Variants in COL4A2 observed in about 807,000 individuals in gnomAD.
COL4A2 encodes collagen type IV alpha 2 chain, also known as collagen alpha-2(IV) chain.
A neutral mutation model predicts 200.2 loss-of-function variants in COL4A2; 99 were observed. That is an observed-to-expected ratio of 0.49 (90% CI 0.42 to 0.58). The LOEUF is 0.58. Ranked by LOEUF, COL4A2 falls within the 20% of genes least tolerant of loss-of-function variation. The pLI is 0.00. For synonymous variants in COL4A2, 897 were observed against 900.6 expected, an observed-to-expected ratio of 1.00 and a Z score of 0.07; for missense variants, 1,950 against 2,314.1, an observed-to-expected ratio of 0.84 and a Z score of 3.23.
chr13:110,397,140 T>A (rs868628749), intron 4 of COL4A2, among the ~76,000 whole-genome samples: 121 of 152,356 alleles, frequency 7.9e-4, no homozygotes, highest in African/African-American at 2.8e-3. Flanking sequence ...GGAGAGTTTT[T>A]GGAAAACCTC....
At chr13:110,363,678 C>T (rs55912240) in intron 4 of COL4A2, among the ~76,000 whole-genome samples, 6,058 of 152,320 alleles carry the variant, frequency 0.04, 168 homozygotes, top group Non-Finnish European at 0.061. Flanking sequence ...GCAAGATATT[C>T]TCTCTAAGGA....
At chr13:110,494,734 GA>G (rs529115659) in intron 39 of COL4A2, among the ~76,000 whole-genome samples, 14 of 151,992 alleles carry the variant, frequency 9.2e-5, no homozygotes, top group Non-Finnish European at 1.9e-4. Context: ...CATTTAAGAG[GA>G]AAAAAAGACC....
chr13:110,436,742 ACTT>A (rs1314945117), intron 13 of COL4A2, among the ~76,000 whole-genome samples: 1 of 152,148 alleles, frequency 6.6e-6, no homozygotes, highest in Admixed American at 6.6e-5. Flanking sequence ...AATAAAACCT[ACTT>A]CTTTGCTGAC....
Position 110,383,508 on chromosome 13 carries a change from G to C in COL4A2, c.180+25956G>C, listed in dbSNP as rs546129369. On this transcript the variant is annotated intron_variant, in intron 4 of 47. Transcript: ENST00000360467. ...TGTCAGATCAAGAATAGATTTTGTT[G>C]GGGGGTGATTTTTAGATTGTAGGAG... 2.6e-5 allele frequency among the ~76,000 whole-genome samples: 4 copies of C among 151,952 alleles called. No homozygotes were observed. In the South Asian group the frequency reaches 8.3e-4, roughly 32 times the overall value.
Position 110,424,767 on chromosome 13 carries a change from A to G in COL4A2, c.214A>G (p.Asn72Asp). ...QPGPVGPQGY[N>D]GPPGLQGFPG... ...TGGGCCAGTGGGCCCCCAGGGGTAC[A>G]ATGGGCCACCAGGATTACAAGGATT... is the stretch of plus-strand genomic sequence containing the variant. The change falls in exon 5 of 48, where the codon AAT becomes GAT. Residue 72 changes from asparagine (N) to aspartate (D), a missense_variant. Coordinates refer to ENST00000360467, the MANE Select transcript of COL4A2 (RefSeq NM_001846.4). 6.2e-7 allele frequency: 1 copy of G among 1,611,898 alleles called. No individual in the cohort carries two copies. Among genetic ancestry groups the G allele is most frequent in the East Asian group, 2.2e-5 (1 of 44,856 alleles).
At chr13:110,436,161 A>G in intron 12 of COL4A2, 108 bp from the exon 13 acceptor site, 1 of 1,488,898 alleles carries the variant, frequency 6.7e-7, no homozygotes, top group Non-Finnish European at 9.4e-7. Context: ...TATGGTAAGT[A>G]ATATGCAAAC....
intron 20 of COL4A2, among the ~76,000 whole-genome samples, chr13:110,451,961 T>C (rs1378885317): frequency 1.5e-4 from 23 of 152,236 alleles, no homozygotes; most frequent in Non-Finnish European, 5.9e-5. Context: ...CTGTGTGACG[T>C]TGACCAAAAG....
At chr13:110,445,110 C>T (rs573024344) in intron 16 of COL4A2, among the ~76,000 whole-genome samples, 6 of 152,224 alleles carry the variant, frequency 3.9e-5, no homozygotes, top group South Asian at 2.1e-4. Context: ...CTTGGCTTCC[C>T]GAAGTGCTGG....
At chr13:110,459,257 C>T (rs1370605295) in intron 22 of COL4A2, 1 of 260,002 alleles carries the variant, frequency 3.8e-6, no homozygotes, top group Non-Finnish European at 7.4e-6. Flanking sequence ...CACACAAACA[C>T]ACATACACCA....
Position 110,503,850 on chromosome 13 carries a change from C to G in COL4A2, c.4142C>G (p.Ala1381Gly). 2 of 1,613,360 alleles carry G rather than the reference C, an allele frequency of 1.2e-6. No individual in the cohort carries two copies. Among genetic ancestry groups the G allele is most frequent in the Non-Finnish European group, 1.7e-6 (2 of 1,179,520 alleles). ...GGCCTCTCTGTTTCCCTTCCAGGTG[C>G]CCCCGGGACTGTGGGAGCCCCCGGG... ...GPKGDPGFPGAPGTVGAPGIA... is the reference protein window; with the variant it reads ...GPKGDPGFPGGPGTVGAPGIA... Residue 1381 changes from alanine to glycine, a missense_variant, in exon 44 of 48, where the codon GCC becomes GGC. Physicochemically the swap from Ala to Gly is moderately conservative, Grantham distance 60. Around this residue, in one of 2 missense-constraint regions of COL4A2, gnomAD observed 1,385 missense variants for 1,720.5 expected, o/e 0.80. Coordinates refer to ENST00000360467, the MANE Select transcript of COL4A2 (RefSeq NM_001846.4).
intron 4 of COL4A2, among the ~76,000 whole-genome samples, chr13:110,409,161 A>T (rs1879729743): frequency 6.6e-6 from 1 of 152,132 alleles, no homozygotes; most frequent in African/African-American, 2.4e-5. Context: ...ACACACATGC[A>T]CATATACACA....
At chr13:110,317,765 G>A (rs1217038977) in intron 3 of COL4A2, among the ~76,000 whole-genome samples, 2 of 152,242 alleles carry the variant, frequency 1.3e-5, no homozygotes. Flanking sequence ...GCTATGTAAA[G>A]GGGAAAAGGA....
intron 3 of COL4A2, among the ~76,000 whole-genome samples, chr13:110,318,726 T>G (rs1373068027): frequency 6.6e-6 from 1 of 152,194 alleles, no homozygotes; most frequent in Non-Finnish European, 1.5e-5. Context: ...AGAAATTGGC[T>G]GTAGAGAGTT....
chr13:110,433,290 G>A (rs1470471580), intron 11 of COL4A2, among the ~76,000 whole-genome samples: 1 of 152,262 alleles, frequency 6.6e-6, no homozygotes, highest in Non-Finnish European at 1.5e-5. Context: ...AGCAGAAATA[G>A]GACCAGGCGG....
chr13:110,462,113 G>C lies in COL4A2; in HGVS notation c.1597-1G>C. On this transcript the variant is annotated splice_acceptor_variant, in intron 22 of 47. Coordinates refer to ENST00000360467, the MANE Select transcript of COL4A2 (RefSeq NM_001846.4). LOFTEE classifies it high-confidence loss of function. ...GATATTTTTTTGTCTGTTTTCCACA[G>C]GGAGTGCCTGGCAACATTGGTGCTC... The C allele has an allele frequency of 6.2e-7, 1 of 1,614,252 alleles. No individual in the cohort carries two copies. The highest frequency in any genetic ancestry group is 8.5e-7 in the Non-Finnish European group (1 of 1,180,048).
At chr13:110,346,812 G>A (rs534477988) in intron 3 of COL4A2, among the ~76,000 whole-genome samples, 36 of 152,172 alleles carry the variant, frequency 2.4e-4, no homozygotes, top group Non-Finnish European at 4.7e-4. Context: ...TCTCCACCCA[G>A]CACCTAATAA....
At chr13:110,324,964 G>A (rs1041392934) in intron 3 of COL4A2, among the ~76,000 whole-genome samples, 2 of 152,156 alleles carry the variant, frequency 1.3e-5, no homozygotes, top group African/African-American at 4.8e-5. Context: ...ATCTTTTGAC[G>A]TGTGGGACTG....
intron 3 of COL4A2, among the ~76,000 whole-genome samples, chr13:110,346,151 G>A (rs554637747): frequency 6.6e-6 from 1 of 152,284 alleles, no homozygotes; most frequent in South Asian, 2.1e-4. Context: ...GGGTACTGAA[G>A]GAACAGTATC....
chr13:110,493,343 G>A, intron 39 of COL4A2, 61 bp downstream of exon 39: 3 of 1,552,950 alleles, frequency 1.9e-6, no homozygotes, highest in Non-Finnish European at 2.7e-6. Context: ...GGGACTCTGT[G>A]CTGAGTCTGC....
Sources: allele counts gnomAD v4.1 joint callset (sites outside exome capture counted in the v4.1 genomes callset), GRCh38; gene constraint gnomAD v4.1.1; regional missense constraint gnomAD v4.1.1; transcripts MANE v1.5; gene names NCBI Gene and HGNC (gene_info 2026-07-23, HGNC 2026-07-21).